MED13L: variants seen among roughly 807,000 people sequenced by gnomAD.
The protein encoded by MED13L is mediator of RNA polymerase II transcription subunit 13-like.
In MED13L, 7 loss-of-function variants were observed where a neutral mutation model predicts 220.9. That is an observed-to-expected ratio of 0.03 (90% CI 0.02 to 0.06). MED13L has a LOEUF of 0.06. Ranked by LOEUF, MED13L falls within the 10% of genes least tolerant of loss-of-function variation. The pLI, the probability that MED13L is intolerant of heterozygous loss-of-function variation, is 1.00. For synonymous variants in MED13L, 1,011 were observed against 1,015.2 expected, an observed-to-expected ratio of 1.00 and a Z score of 0.08; for missense variants, 1,965 against 2,760.5, an observed-to-expected ratio of 0.71 and a Z score of 6.46.
At chr12:116,091,940 C>G (rs1038100811) in intron 4 of MED13L, among the ~76,000 whole-genome samples, 9 of 152,098 alleles carry the variant, frequency 5.9e-5, no homozygotes, top group African/African-American at 2.2e-4. Flanking sequence ...TTGATGATCC[C>G]CAAGACTCTA....
chr12:116,173,849 T>C (rs1222882809), intron 2 of MED13L, among the ~76,000 whole-genome samples: 1 of 152,122 alleles, frequency 6.6e-6, no homozygotes, highest in African/African-American at 2.4e-5. Flanking sequence ...ATGTTAAATC[T>C]GAGCTTTGGG....
In MED13L at chr12:115,959,946, G is replaced by T. The variant is rs1875656125; in HGVS notation, c.*1320C>A. On this transcript the variant is annotated 3_prime_UTR_variant, in exon 31 of 31. Coordinates refer to ENST00000281928, the MANE Select transcript of MED13L (RefSeq NM_015335.5). ...AAGGCCTGGTCACAGTGGCTCCCGGGAGGCCAGTACACACCCACTGTCCTC... is the reference window on the plus strand; with the variant it reads ...AAGGCCTGGTCACAGTGGCTCCCGGTAGGCCAGTACACACCCACTGTCCTC... The T allele has an allele frequency of 6.6e-6, 1 of 152,538 alleles. No individual in the cohort carries two copies. Among genetic ancestry groups the T allele is most frequent in the Non-Finnish European group, 1.5e-5 (1 of 68,040 alleles). The allele number at this position is 152,538 out of a possible 1,614,324, so 9.4% of individuals were successfully genotyped here. A position where few individuals can be genotyped will look rare whatever the true frequency, so the allele number is the denominator to read the frequency against.
intron 1 of MED13L, among the ~76,000 whole-genome samples, chr12:116,252,149 A>T (rs1053285387): frequency 1.3e-5 from 2 of 152,134 alleles, no homozygotes; most frequent in African/African-American, 4.8e-5. Flanking sequence ...ATTAATAAGG[A>T]TATAAAAAAC....
chr12:116,056,093 T>A (rs552786040), intron 4 of MED13L, among the ~76,000 whole-genome samples: 1 of 152,066 alleles, frequency 6.6e-6, no homozygotes, highest in South Asian at 2.1e-4. Context: ...AGCCCAAAGG[T>A]AAGTTTGTTA....
intron 4 of MED13L, among the ~76,000 whole-genome samples, chr12:116,042,793 TG>T (rs1439204780): frequency 2.0e-5 from 3 of 152,284 alleles, no homozygotes; most frequent in Non-Finnish European, 4.4e-5. Flanking sequence ...CCTGTCTGAC[TG>T]AAGTATTAGC....
intron 11 of MED13L, 101 bp downstream of exon 11, chr12:116,007,310 G>T: frequency 9.4e-7 from 1 of 1,059,954 alleles, no homozygotes; most frequent in Non-Finnish European, 1.5e-6. Flanking sequence ...AATCAGGCAA[G>T]ACTATCTCAA....
intron 4 of MED13L, among the ~76,000 whole-genome samples, chr12:116,068,854 C>A (rs892582939): frequency 2.5e-4 from 1 of 3,986 alleles, no homozygotes; most frequent in African/African-American, 1.3e-3. Context: ...ACATTTAATG[C>A]GGGGGGTGGG....
chr12:116,211,001 A>G (rs1386332412), intron 2 of MED13L, among the ~76,000 whole-genome samples: 2 of 152,204 alleles, frequency 1.3e-5, no homozygotes, highest in East Asian at 1.9e-4. Flanking sequence ...ACTCGCCACC[A>G]TATCAAAAAG....
At chr12:116,188,192 C>T (rs1317480826) in intron 2 of MED13L, among the ~76,000 whole-genome samples, 12 of 151,378 alleles carry the variant, frequency 7.9e-5, no homozygotes. Flanking sequence ...AAATTATAAA[C>T]ATAAAGGAAT....
chr12:116,276,392 G>C (rs1565963569), intron 1 of MED13L: 1 of 1,263,658 alleles, frequency 7.9e-7, no homozygotes, highest in East Asian at 5.6e-5. Flanking sequence ...GTTTTTAAAA[G>C]ACACAGGAGG....
intron 2 of MED13L, among the ~76,000 whole-genome samples, chr12:116,156,125 T>C (rs1305261613): frequency 6.6e-6 from 1 of 152,076 alleles, no homozygotes; most frequent in African/African-American, 2.4e-5. Flanking sequence ...TTTTTATTTC[T>C]ACAAAAACAT....
chr12:116,221,471 C>T (rs1286876465), intron 2 of MED13L, among the ~76,000 whole-genome samples: 3 of 151,976 alleles, frequency 2.0e-5, no homozygotes, highest in Admixed American at 6.6e-5. Flanking sequence ...CTACTTTACA[C>T]TGCAAGATTG....
At chr12:116,015,854 T>A (rs1879693127) in intron 7 of MED13L, among the ~76,000 whole-genome samples, 1 of 152,218 alleles carries the variant, frequency 6.6e-6, no homozygotes, top group South Asian at 2.1e-4. Flanking sequence ...CACTATGTAT[T>A]TAAAACTTAG....
intron 6 of MED13L, 119 bp from the exon 7 acceptor site, chr12:116,019,531 G>C: frequency 8.2e-7 from 1 of 1,215,882 alleles, no homozygotes; most frequent in East Asian, 2.5e-5. Flanking sequence ...AAAAGTGATA[G>C]GCTCCATTCT....
At chr12:116,056,657 CT>C (rs1347124320) in intron 4 of MED13L, among the ~76,000 whole-genome samples, 1 of 152,212 alleles carries the variant, frequency 6.6e-6, no homozygotes, top group Non-Finnish European at 1.5e-5. Context: ...TCTACCTTCA[CT>C]TGTTTTCTCT....
In MED13L at chr12:116,248,150, A is replaced by C. The variant is rs1377412433; in HGVS notation, c.73-10445T>G. Among the ~76,000 whole-genome samples the C allele has an allele frequency of 3.9e-5, 6 of 152,228 alleles. No homozygotes were observed. In the East Asian group the frequency reaches 1.2e-3, roughly 29 times the overall value. ...CAAATTAACACGGCAACAAGAATAAAATAGAAGAATAAAGCCATGTGATAA... is the reference window on the plus strand; with the variant it reads ...CAAATTAACACGGCAACAAGAATAACATAGAAGAATAAAGCCATGTGATAA... On this transcript the variant is annotated intron_variant, in intron 1 of 30. Transcript: ENST00000281928.
At chr12:116,016,553 C>T (rs1879736286) in intron 7 of MED13L, among the ~76,000 whole-genome samples, 1 of 152,100 alleles carries the variant, frequency 6.6e-6, no homozygotes, top group Non-Finnish European at 1.5e-5. Context: ...CTCTCCAAAA[C>T]ATCCTATGAT....
chr12:116,264,780 T>C (rs182506843), intron 1 of MED13L, among the ~76,000 whole-genome samples: 9 of 152,268 alleles, frequency 5.9e-5, no homozygotes, highest in Admixed American at 4.6e-4. Flanking sequence ...TTCAGGCTCT[T>C]ACCCTCCCCT....
intron 4 of MED13L, among the ~76,000 whole-genome samples, chr12:116,042,051 CTA>C (rs1387169121): frequency 1.3e-5 from 2 of 152,166 alleles, no homozygotes; most frequent in African/African-American, 4.8e-5. Flanking sequence ...TATTTTAAAA[CTA>C]TTGTTAGAAT....
Sources: gnomAD v4.1 joint callset for allele counts (sites outside exome capture counted in the v4.1 genomes callset) on GRCh38, gnomAD v4.1.1 for gene constraint, MANE v1.5 for transcripts, NCBI Gene and HGNC (gene_info 2026-07-23, HGNC 2026-07-21) for gene names.